Variants in XXYLT1 observed in about 807,000 individuals in gnomAD.
XXYLT1 encodes UDP-xylose:alpha-xyloside alpha-1,3-xylosyltransferase.
A neutral mutation model predicts 28.9 loss-of-function variants in XXYLT1; 20 were observed. The ratio of observed to expected loss-of-function variants is 0.69; its 90% CI spans 0.49 to 1.00. The LOEUF (loss-of-function observed/expected upper bound fraction) is 1.00. XXYLT1 is among the 50% of genes least tolerant of loss of function. The probability of loss-of-function intolerance (pLI) is 0.00; values close to 1 mark genes in which losing one functional copy is unlikely to be tolerated. For synonymous variants in XXYLT1, 257 were observed against 253.8 expected, an observed-to-expected ratio of 1.01 and a Z score of -0.12; for missense variants, 542 against 560.1, an observed-to-expected ratio of 0.97 and a Z score of 0.33.
intron 1 of XXYLT1, among the ~76,000 whole-genome samples, chr3:195,251,963 G>T (rs918325262): frequency 6.6e-5 from 10 of 152,126 alleles, no homozygotes; most frequent in African/African-American, 2.4e-4. Context: ...GGAACCACCC[G>T]GCCATCTCTC....
At chr3:195,101,358 T>C (rs902422469) in intron 3 of XXYLT1, among the ~76,000 whole-genome samples, 1 of 152,288 alleles carries the variant, frequency 6.6e-6, no homozygotes, top group African/African-American at 2.4e-5. Context: ...AGAATCTCTC[T>C]GGCTGGTTAG....
At chr3:195,110,219 T>TGTGA (rs1717469266) in intron 3 of XXYLT1, among the ~76,000 whole-genome samples, 1 of 72,156 alleles carries the variant, frequency 1.4e-5, no homozygotes, top group Non-Finnish European at 3.5e-5. Flanking sequence ...TGTGCGTGTG[T>TGTGA]GGTGTATAAG....
chr3:195,135,648 G>A (rs1171320972), intron 3 of XXYLT1, among the ~76,000 whole-genome samples: 2 of 152,220 alleles, frequency 1.3e-5, no homozygotes, highest in Non-Finnish European at 2.9e-5. Flanking sequence ...TGCTTTTGCA[G>A]TACATAGCAG....
At chr3:195,182,739 T>C (rs150262470) in intron 2 of XXYLT1, among the ~76,000 whole-genome samples, 26 of 152,282 alleles carry the variant, frequency 1.7e-4, no homozygotes, top group African/African-American at 5.5e-4. Context: ...CAAAAGACCT[T>C]ACATTTTTCA....
chr3:195,114,248 C>G (rs1717928524), intron 3 of XXYLT1, among the ~76,000 whole-genome samples: 1 of 152,232 alleles, frequency 6.6e-6, no homozygotes, highest in South Asian at 2.1e-4. Context: ...TCTCGCTCCT[C>G]CACGTGAAGC....
chr3:195,096,369 G>A (rs1474055324), intron 3 of XXYLT1, among the ~76,000 whole-genome samples: 3 of 152,140 alleles, frequency 2.0e-5, no homozygotes, highest in African/African-American at 4.8e-5. Context: ...AACATGTGAC[G>A]CAGACACCAT....
chr3:195,166,493 C>A (rs895290421), intron 2 of XXYLT1, among the ~76,000 whole-genome samples: 1 of 152,194 alleles, frequency 6.6e-6, no homozygotes, highest in Non-Finnish European at 1.5e-5. Context: ...AGGACACTAG[C>A]AGTAACACCC....
At chr3:195,165,158 A>G (rs995048385) in intron 2 of XXYLT1, among the ~76,000 whole-genome samples, 2 of 152,112 alleles carry the variant, frequency 1.3e-5, no homozygotes, top group Non-Finnish European at 2.9e-5. Flanking sequence ...CATTGTGAAC[A>G]ATGAATCCGC....
At chr3:195,112,836 C>T (rs369381819) in intron 3 of XXYLT1, among the ~76,000 whole-genome samples, 6 of 150,318 alleles carry the variant, frequency 4.0e-5, no homozygotes, top group African/African-American at 7.3e-5. Flanking sequence ...AGCGCACACA[C>T]GCACACACAC....
At chr3:195,213,162 T>C (rs187217496) in intron 2 of XXYLT1, among the ~76,000 whole-genome samples, 1 of 152,250 alleles carries the variant, frequency 6.6e-6, no homozygotes, top group East Asian at 1.9e-4. Flanking sequence ...TGAGGTAGCT[T>C]TGGCTGGAAG....
intron 3 of XXYLT1, among the ~76,000 whole-genome samples, chr3:195,142,381 C>T (rs558827475): frequency 1.3e-5 from 2 of 152,326 alleles, no homozygotes; most frequent in South Asian, 2.1e-4. Flanking sequence ...ACTGCTCACA[C>T]TTTGGTTCCC....
At chr3:195,119,960 CA>C (rs1560106088) in intron 3 of XXYLT1, among the ~76,000 whole-genome samples, 1 of 152,128 alleles carries the variant, frequency 6.6e-6, no homozygotes, top group African/African-American at 2.4e-5. Flanking sequence ...CCTGTCCCTG[CA>C]TTCCCTTGGG....
rs1261907102 is a variant in XXYLT1, at chr3:195,255,006, C to T, written c.504+15549G>A. Among the ~76,000 whole-genome samples, 1 of 152,118 alleles carries T rather than the reference C, an allele frequency of 6.6e-6. No homozygotes were observed. The highest frequency in any genetic ancestry group is 1.5e-5 in the Non-Finnish European group (1 of 68,030). On this transcript the variant is annotated intron_variant, in intron 1 of 3. Coordinates refer to ENST00000310380, the MANE Select transcript of XXYLT1 (RefSeq NM_152531.5). The surrounding 1 kb of genome is among the most constrained non-coding windows in gnomAD (Gnocchi z 4.5). ...AGAGACACACGCCCATTCCCACACC[C>T]GCTGCACAGGAAAGAGAAAGAAGTC...
At chr3:195,120,170 G>T (rs1206075324) in intron 3 of XXYLT1, among the ~76,000 whole-genome samples, 1 of 152,194 alleles carries the variant, frequency 6.6e-6, no homozygotes, top group Non-Finnish European at 1.5e-5. Flanking sequence ...TCAAAGGAGG[G>T]CAGAGCCTGG....
At chr3:195,125,485 G>T (rs1718569382) in intron 3 of XXYLT1, among the ~76,000 whole-genome samples, 1 of 152,220 alleles carries the variant, frequency 6.6e-6, no homozygotes, top group African/African-American at 2.4e-5. Flanking sequence ...CACAAGGCCA[G>T]GATATGAGCT....
chr3:195,185,207 G>A (rs1228909946), intron 2 of XXYLT1, among the ~76,000 whole-genome samples: 1 of 152,136 alleles, frequency 6.6e-6, no homozygotes, highest in East Asian at 1.9e-4. Flanking sequence ...CTGGAGAATA[G>A]GGAAGAAAGG....
At chr3:195,138,601 T>C (rs1196482347) in intron 3 of XXYLT1, among the ~76,000 whole-genome samples, 2 of 152,134 alleles carry the variant, frequency 1.3e-5, no homozygotes, top group Admixed American at 1.3e-4. Flanking sequence ...CTCATGTCTG[T>C]AATCCCAGCA....
chr3:195,134,862 T>TGC (rs1446929733), intron 3 of XXYLT1, among the ~76,000 whole-genome samples: 58 of 105,218 alleles, frequency 5.5e-4, no homozygotes, highest in Non-Finnish European at 6.7e-4. Context: ...TGTGTGTGTG[T>TGC]GTGTGTGCGT....
At chr3:195,203,394 A>G (rs1722936919) in intron 2 of XXYLT1, among the ~76,000 whole-genome samples, 1 of 152,166 alleles carries the variant, frequency 6.6e-6, no homozygotes, top group Non-Finnish European at 1.5e-5. Context: ...TCACCTATCA[A>G]ATTGGCCTGT....
Sources: allele counts gnomAD v4.1 joint callset (sites outside exome capture counted in the v4.1 genomes callset), GRCh38; gene constraint gnomAD v4.1.1; non-coding constraint Gnocchi (gnomAD v3.1); transcripts MANE v1.5; gene names NCBI Gene and HGNC (gene_info 2026-07-23, HGNC 2026-07-21).